Variants in CHRNB1 observed in about 807,000 individuals in gnomAD.
CHRNB1 encodes cholinergic receptor nicotinic beta 1 subunit.
In CHRNB1, 47 loss-of-function variants were observed where a neutral mutation model predicts 53.8. That is an observed-to-expected ratio of 0.87 (90% CI 0.69 to 1.11). CHRNB1 has a LOEUF of 1.11. Ranked by LOEUF, CHRNB1 falls within the 50% of genes most tolerant of loss-of-function variation. The probability of loss-of-function intolerance (pLI) is 0.00; values close to 1 mark genes in which losing one functional copy is unlikely to be tolerated. For missense variants in CHRNB1, 605 were observed against 654.9 expected (o/e 0.92, Z 0.83); for synonymous variants, 259 against 263.5 (o/e 0.98, Z 0.16).
At chr17:7,446,199 C>T in intron 3 of CHRNB1, 86 bp downstream of exon 3, 1 of 1,179,336 alleles carries the variant, frequency 8.5e-7, no homozygotes, top group South Asian at 1.2e-5. Context: ...ATATTTTTTA[C>T]ATCATGACTT....
intron 3 of CHRNB1, chr17:7,446,446 ACCT>A (rs1245163801): frequency 2.0e-6 from 1 of 503,506 alleles, no homozygotes; most frequent in Non-Finnish European, 3.6e-6. Flanking sequence ...CTCGGGGGGA[ACCT>A]CCACAAGTGC....
chr17:7,453,439 T>C (rs1176659346), intron 7 of CHRNB1, among the ~76,000 whole-genome samples: 4 of 152,084 alleles, frequency 2.6e-5, no homozygotes, highest in Admixed American at 2.6e-4. Context: ...CATGTTAAGC[T>C]TGAAATATTT....
intron 7 of CHRNB1, among the ~76,000 whole-genome samples, chr17:7,449,164 T>C (rs1597751266): frequency 1.3e-5 from 2 of 148,294 alleles, no homozygotes; most frequent in African/African-American, 2.5e-5. Flanking sequence ...AGTGCAGTGG[T>C]GCAATCTCGG....
intron 3 of CHRNB1, 94 bp from the exon 4 acceptor site, chr17:7,446,739 C>A: frequency 1.0e-6 from 1 of 966,696 alleles, no homozygotes. Context: ...GTCCTGCTCC[C>A]CTTCCTTGCA....
At chr17:7,449,402 C>CT (rs769505757) in intron 7 of CHRNB1, among the ~76,000 whole-genome samples, 11,763 of 89,032 alleles carry the variant, frequency 0.13, 1,291 homozygotes, top group East Asian at 0.45. Context: ...AGGGCCCGAC[C>CT]TTTTTTTTTT....
At chr17:7,446,329 G>GTGTGTGTC (rs1555551784) in intron 3 of CHRNB1, 53 of 185,948 alleles carry the variant, frequency 2.9e-4, no homozygotes, top group African/African-American at 6.7e-4. Flanking sequence ...GTGTGTGTCT[G>GTGTGTGTC]TGTGTGTGTG....
At position 7,446,908 on chromosome 17, in the gene CHRNB1, T is replaced by TC; in HGVS notation, c.321dup (p.Val108ArgfsTer5). ...CGATTCGCTCCGCATCACGGCGGAA[T>TC]CCGTGTGGCTCCCTGACGTGGTGCT... On this transcript the variant is annotated frameshift_variant, in exon 4 of 11. Coordinates refer to ENST00000306071, the MANE Select transcript of CHRNB1 (RefSeq NM_000747.3). LOFTEE classifies it high-confidence loss of function. 2 of 1,612,620 alleles carry TC rather than the reference T, an allele frequency of 1.2e-6. No homozygotes were observed. The highest frequency in any genetic ancestry group is 1.7e-6 in the Non-Finnish European group (2 of 1,179,488).
chr17:7,454,436 C>T lies in CHRNB1; in HGVS notation c.960C>T (p.Thr320=). The change falls in exon 8 of 11, where the codon ACC becomes ACT. Residue 320 remains threonine, a synonymous_variant. Coordinates refer to ENST00000306071, the MANE Select transcript of CHRNB1 (RefSeq NM_000747.3). ...KYLMFTMVLV[T]FSVILSVVVL... is the part of the protein sequence containing the mutation. ...TCATGTTTACCATGGTCCTCGTCAC[C>T]TTCTCAGTCATCCTTAGTGTCGTGG... is the stretch of plus-strand genomic sequence containing the variant. 6.2e-7 allele frequency: 1 copy of T among 1,614,118 alleles called. No individual in the cohort carries two copies. The highest frequency in any genetic ancestry group is 8.5e-7 in the Non-Finnish European group (1 of 1,180,028).
rs142822694 is a variant in CHRNB1, at chr17:7,456,685, G to A, written c.1468G>A (p.Ala490Thr). ...TGGGACCCTAGTCATCTTCCTGGAC[G>A]CCACGTACCACTTGCCCCCTCCAGA... ...SVGTLVIFLD[A>T]TYHLPPPDPF... Residue 490 changes from alanine (A) to threonine (T), a missense_variant, in exon 11 of 11, where the codon GCC becomes ACC. By Grantham distance (58) the Ala-to-Thr change is moderately conservative. Transcript: ENST00000306071. The A allele has an allele frequency of 1.9e-6, 3 of 1,614,112 alleles. No homozygotes were observed. The highest frequency in any genetic ancestry group is 2.2e-5 in the South Asian group (2 of 91,090).
intron 7 of CHRNB1, 138 bp from the exon 8 acceptor site, chr17:7,454,159 C>T: frequency 2.6e-6 from 2 of 778,474 alleles, no homozygotes; most frequent in Non-Finnish European, 4.4e-6. Context: ...CCCAAAGTGC[C>T]AGGACTACAG....
At position 7,445,068 on chromosome 17, in the gene CHRNB1, C is replaced by A; in HGVS notation, c.-60C>A. On this transcript the variant is annotated 5_prime_UTR_variant, in exon 1 of 11. Coordinates refer to ENST00000306071, the MANE Select transcript of CHRNB1 (RefSeq NM_000747.3). The surrounding 1 kb of genome is among the most constrained non-coding windows in gnomAD (Gnocchi z 5.7). ...CACATTCCCGGGCTCCTCGTCACTTCCCCTGTGCTGGCGGTCCCAGCGGCT... is the reference window on the plus strand; with the variant it reads ...CACATTCCCGGGCTCCTCGTCACTTACCCTGTGCTGGCGGTCCCAGCGGCT... The A allele has an allele frequency of 6.4e-7, 1 of 1,569,310 alleles. No homozygotes were observed. Among genetic ancestry groups the A allele is most frequent in the Non-Finnish European group, 8.6e-7 (1 of 1,159,850 alleles).
chr17:7,447,457 G>A (rs1370205256), intron 5 of CHRNB1, 46 bp from the exon 6 acceptor site: 4 of 1,612,016 alleles, frequency 2.5e-6, no homozygotes, highest in Non-Finnish European at 2.5e-6. Flanking sequence ...CTCCACCAGC[G>A]CTGACTGGTT....
At chr17:7,446,965 G>A (rs771273323) in intron 4 of CHRNB1, 23 bp downstream of exon 4, 1 of 1,611,198 alleles carries the variant, frequency 6.2e-7, no homozygotes, top group South Asian at 1.1e-5. Flanking sequence ...CCAAAGCCCG[G>A]GAGGTGGCGC....
chr17:7,448,800 A>T lies in CHRNB1; in HGVS notation c.820+12A>T. On this transcript the variant is annotated intron_variant, in intron 7 of 10. Transcript: ENST00000306071. ...GCCACCAGATGCAGGTAATGGGGGAAGGGGCTCCTTACTCTTTTGTCATTG... is the reference window on the plus strand; with the variant it reads ...GCCACCAGATGCAGGTAATGGGGGATGGGGCTCCTTACTCTTTTGTCATTG... The T allele has an allele frequency of 6.2e-7, 1 of 1,612,742 alleles. No individual in the cohort carries two copies. The highest frequency in any genetic ancestry group is 8.5e-7 in the Non-Finnish European group (1 of 1,178,726).
Position 7,445,247 on chromosome 17 carries a change from G to T in CHRNB1, c.59-23G>T. On this transcript the variant is annotated intron_variant, in intron 1 of 10. Coordinates refer to ENST00000306071, the MANE Select transcript of CHRNB1 (RefSeq NM_000747.3). This position sits in a 1 kb window ranked among gnomAD's most constrained non-coding sequence, Gnocchi z 5.7. Reference sequence around the variant, plus strand: ...GCGGTCGTGGCCAGGCACCAGGGCTGCACTTATTCTCTCCTCCCCCAGGCG... The same window carrying T: ...GCGGTCGTGGCCAGGCACCAGGGCTTCACTTATTCTCTCCTCCCCCAGGCG... The T allele has an allele frequency of 6.2e-7, 1 of 1,612,312 alleles. No homozygotes were observed. The highest frequency in any genetic ancestry group is 8.5e-7 in the Non-Finnish European group (1 of 1,179,598).
At position 7,447,548 on chromosome 17, in the gene CHRNB1, A is replaced by C. The variant is rs748731612; in HGVS notation, c.508A>C (p.Ser170Arg). 6.2e-7 allele frequency: 1 copy of C among 1,614,204 alleles called. No individual in the cohort carries two copies. Among genetic ancestry groups the C allele is most frequent in the East Asian group, 2.2e-5 (1 of 44,892 alleles). ...CTGGCAGAATTGCACTATGGTGTTC[A>C]GCTCCTACAGCTACGACAGCTCGGA... ...FDWQNCTMVF[S>R]SYSYDSSEVS... The change falls in exon 6 of 11, where the codon AGC becomes CGC. Residue 170 changes from serine (S) to arginine (R), a missense_variant. Physicochemically the swap from Ser to Arg is moderately radical, Grantham distance 110. Coordinates refer to ENST00000306071, the MANE Select transcript of CHRNB1 (RefSeq NM_000747.3).
chr17:7,449,009 T>C (rs968425916), intron 7 of CHRNB1, among the ~76,000 whole-genome samples: 3 of 152,142 alleles, frequency 2.0e-5, no homozygotes, highest in African/African-American at 7.2e-5. Context: ...ATAAAGCCTT[T>C]ACTCCTCTGA....
intron 10 of CHRNB1, 65 bp downstream of exon 10, chr17:7,456,006 C>T: frequency 7.0e-7 from 1 of 1,423,222 alleles, no homozygotes. Flanking sequence ...CCAAATTCCG[C>T]ACCAGCACTC....
At chr17:7,453,521 C>T (rs1908959964) in intron 7 of CHRNB1, among the ~76,000 whole-genome samples, 1 of 151,328 alleles carries the variant, frequency 6.6e-6, no homozygotes, top group Non-Finnish European at 1.5e-5. Flanking sequence ...GGGGAGAAGT[C>T]CAGGGTGGAC....
Sources: allele counts gnomAD v4.1 joint callset (sites outside exome capture counted in the v4.1 genomes callset), GRCh38; gene constraint gnomAD v4.1.1; non-coding constraint Gnocchi (gnomAD v3.1); transcripts MANE v1.5; gene names NCBI Gene and HGNC (gene_info 2026-07-23, HGNC 2026-07-21).